Variants in PPP2R3B observed in about 807,000 individuals in gnomAD.
PPP2R3B encodes serine/threonine-protein phosphatase 2A regulatory subunit B'' subunit beta.
In PPP2R3B, 68 loss-of-function variants were observed where a neutral mutation model predicts 72.9. That is an observed-to-expected ratio of 0.93 (90% CI 0.77 to 1.14). PPP2R3B has a LOEUF of 1.14. Among genes scored for constraint, PPP2R3B ranks in the 50% most tolerant of loss-of-function variants. The pLI is 0.00. For missense variants in PPP2R3B, 1,018 were observed against 842.0 expected, an observed-to-expected ratio of 1.21 and a Z score of -2.59; for synonymous variants, 466 against 375.8, an observed-to-expected ratio of 1.24 and a Z score of -2.78.
intron 2 of PPP2R3B, among the ~76,000 whole-genome samples, chrX:355,188 T>C (rs1392504680): frequency 1.3e-5 from 2 of 152,164 alleles, no homozygotes; most frequent in East Asian, 3.9e-4. Flanking sequence ...AAAGTCCACA[T>C]ATAAAACCTA....
rs1157681497 is a variant in PPP2R3B, at chrX:373,032, G to A, written c.325-11442C>T. 8.5e-5 allele frequency among the ~76,000 whole-genome samples: 13 copies of A among 152,182 alleles called. No homozygotes were observed. In the East Asian group the frequency reaches 1.3e-3, roughly 16 times the overall value. ...GAGTGATATCTCAACCGACTCTTAA[G>A]TTAGCCAGTGGGAAGGAATGCTGGG... On this transcript the variant is annotated intron_variant, in intron 1 of 12. Coordinates refer to ENST00000390665, the MANE Select transcript of PPP2R3B (RefSeq NM_013239.5).
chrX:347,883 G>C (rs1019278254), intron 2 of PPP2R3B, 190 bp from the exon 3 acceptor site: 11 of 568,286 alleles, frequency 1.9e-5, no homozygotes, highest in African/African-American at 1.7e-4. Context: ...TCAGTCATGA[G>C]AGCTGAGCGT....
intron 2 of PPP2R3B, among the ~76,000 whole-genome samples, chrX:356,807 C>T (rs1210194028): frequency 2.6e-5 from 4 of 151,662 alleles, no homozygotes; most frequent in African/African-American, 9.7e-5. Context: ...AGTATCCACA[C>T]CCTGGCCAGC....
At position 334,306 on chromosome X, in the gene PPP2R3B, C is replaced by G. The variant is rs755834610; in HGVS notation, c.*61G>C. 1.4e-6 allele frequency: 2 copies of G among 1,418,406 alleles called. No homozygotes were observed. Among genetic ancestry groups the G allele is most frequent in the South Asian group, 3.0e-5 (2 of 66,468 alleles). 87.9% of individuals were successfully genotyped at this position (1,418,406 alleles called of 1,614,324 possible). On this transcript the variant is annotated 3_prime_UTR_variant, in exon 13 of 13. Transcript: ENST00000390665. The stretch of plus-strand genomic sequence containing the variant: ...TTTCCACAACAGTTTTTACACGAGC[C>G]GCGGTGGCCCGGTGGTGGCACGTGG...
At position 334,366 on chromosome X, in the gene PPP2R3B, G is replaced by A. The variant is rs375019819; in HGVS notation, c.*1C>T. The A allele has an allele frequency of 1.2e-4, 180 of 1,498,316 alleles. No individual in the cohort carries two copies. The highest frequency in any genetic ancestry group is 1.4e-4 in the Non-Finnish European group (160 of 1,129,462). The allele number at this position is 1,498,316 out of a possible 1,614,324, so 92.8% of individuals were successfully genotyped here. A position where few individuals can be genotyped will look rare whatever the true frequency, so the allele number is the denominator to read the frequency against. On this transcript the variant is annotated 3_prime_UTR_variant, in exon 13 of 13. Coordinates refer to ENST00000390665, the MANE Select transcript of PPP2R3B (RefSeq NM_013239.5). ...CCGCGGCGGCGTTCTCGCGGGCGGC[G>A]TCACAGCGGCTCCAGGTCCTCGTCC... is the stretch of plus-strand genomic sequence containing the variant.
At chrX:378,560 A>G (rs1275500661) in intron 1 of PPP2R3B, among the ~76,000 whole-genome samples, 1 of 152,174 alleles carries the variant, frequency 6.6e-6, no homozygotes, top group African/African-American at 2.4e-5. Context: ...CTCACCCTGC[A>G]GGTGCCGTCT....
intron 6 of PPP2R3B, 103 bp downstream of exon 6, chrX:346,071 G>A (rs1168922098): frequency 1.9e-4 from 101 of 545,544 alleles, no homozygotes; most frequent in East Asian, 4.1e-4. Context: ...GTGGGAGAGG[G>A]GGTGGGAGGG....
chrX:346,069 GGGGGTGGGA>G, intron 6 of PPP2R3B, 96 bp downstream of exon 6: 4 of 538,192 alleles, frequency 7.4e-6, no homozygotes, highest in Non-Finnish European at 1.3e-5. Context: ...GGGTGGGAGA[GGGGGTGGGA>G]GGGGAGGAGG....
In PPP2R3B at chrX:334,350, CGTT is replaced by C; in HGVS notation, c.*14_*16del. 1 of 1,462,094 alleles carries C rather than the reference CGTT, an allele frequency of 6.8e-7. No homozygotes were observed. Among genetic ancestry groups the C allele is most frequent in the African/African-American group, 1.7e-5 (1 of 57,958 alleles). The allele number at this position is 1,462,094 out of a possible 1,614,324, so 90.6% of individuals were successfully genotyped here. A position where few individuals can be genotyped will look rare whatever the true frequency, so the allele number is the denominator to read the frequency against. Reference sequence around the variant, plus strand: ...CACGTGGGGAGCGGCCCCGCGGCGGCGTTCTCGCGGGCGGCGTCACAGCGGCTC... The same window carrying C: ...CACGTGGGGAGCGGCCCCGCGGCGGCCTCGCGGGCGGCGTCACAGCGGCTC... On this transcript the variant is annotated 3_prime_UTR_variant, in exon 13 of 13. Transcript: ENST00000390665.
At chrX:348,913 G>A (rs1183077614) in intron 2 of PPP2R3B, among the ~76,000 whole-genome samples, 1 of 152,116 alleles carries the variant, frequency 6.6e-6, no homozygotes, top group East Asian at 1.9e-4. Context: ...TTCCGAGGCT[G>A]GCACAGCCTG....
At chrX:348,837 T>C (rs910240733) in intron 2 of PPP2R3B, among the ~76,000 whole-genome samples, 4 of 150,612 alleles carry the variant, frequency 2.7e-5, no homozygotes, top group African/African-American at 7.4e-5. Context: ...CGACCAAACA[T>C]TGAAGGAAGA....
Position 341,708 on chromosome X carries a change from C to T in PPP2R3B, c.1085+175G>A, listed in dbSNP as rs2071081574. ...CAGACTTCGCGTGACAGTCTTGTGC[C>T]ACCCCCCCCCACTAGGGATTCACGT... On this transcript the variant is annotated intron_variant, in intron 8 of 12. Transcript: ENST00000390665. 6 of 751,412 alleles carry T rather than the reference C, an allele frequency of 8.0e-6. No homozygotes were observed. The Admixed American group carries it at 1.1e-4, about 14-fold the overall frequency. 46.5% of individuals were successfully genotyped at this position (751,412 alleles called of 1,614,324 possible). A position where few individuals can be genotyped will look rare whatever the true frequency, so the allele number is the denominator to read the frequency against.
chrX:385,951 C>A (rs1013106234), intron 1 of PPP2R3B, among the ~76,000 whole-genome samples: 1 of 152,026 alleles, frequency 6.6e-6, no homozygotes, highest in Admixed American at 6.6e-5. Flanking sequence ...CGTGGTGGCA[C>A]GTGCCTGTAA....
intron 1 of PPP2R3B, among the ~76,000 whole-genome samples, chrX:369,876 C>T (rs775429550): frequency 2.6e-5 from 4 of 152,286 alleles, no homozygotes; most frequent in South Asian, 2.1e-4. Flanking sequence ...CACTCTGCAG[C>T]GGGAGGCGGA....
At chrX:364,705 G>C (rs1294772719) in intron 1 of PPP2R3B, among the ~76,000 whole-genome samples, 1 of 58,466 alleles carries the variant, frequency 1.7e-5, no homozygotes, top group Non-Finnish European at 2.9e-5. Context: ...GCGACAGAGT[G>C]AGACTCTGTC....
At chrX:352,720 G>C (rs2071356225) in intron 2 of PPP2R3B, among the ~76,000 whole-genome samples, 1 of 151,940 alleles carries the variant, frequency 6.6e-6, no homozygotes. Flanking sequence ...GTCGCACAGG[G>C]CACGCCGACA....
intron 1 of PPP2R3B, among the ~76,000 whole-genome samples, chrX:365,400 A>G (rs1373024577): frequency 6.0e-5 from 2 of 33,090 alleles, no homozygotes; most frequent in Non-Finnish European, 9.3e-5. Flanking sequence ...ACGATTAACC[A>G]GGTGTGGTGG....
chrX:341,687 C>A (rs765914028), intron 8 of PPP2R3B, 196 bp downstream of exon 8: 4 of 703,550 alleles, frequency 5.7e-6, no homozygotes, highest in Non-Finnish European at 9.9e-6. Flanking sequence ...CTTCCTCAGA[C>A]TTCGCGTGAC....
At chrX:358,771 A>G (rs759767451) in intron 2 of PPP2R3B, among the ~76,000 whole-genome samples, 1 of 138,740 alleles carries the variant, frequency 7.2e-6, no homozygotes, top group East Asian at 2.1e-4. Flanking sequence ...CCAGGCGCCG[A>G]GGCGGGGAAG....
Sources: allele counts gnomAD v4.1 joint callset (sites outside exome capture counted in the v4.1 genomes callset), GRCh38; gene constraint gnomAD v4.1.1; transcripts MANE v1.5; gene names NCBI Gene and HGNC (gene_info 2026-07-23, HGNC 2026-07-21).